Variants in ARHGAP26 observed in about 807,000 individuals in gnomAD.
The protein encoded by ARHGAP26 is rho GTPase-activating protein 26.
Under a neutral mutation model 104.8 loss-of-function variants are expected in ARHGAP26, and 38 were observed. That is an observed-to-expected ratio of 0.36 (90% CI 0.28 to 0.48). The LOEUF (loss-of-function observed/expected upper bound fraction) is 0.48. Among genes scored for constraint, ARHGAP26 ranks in the 20% least tolerant of loss-of-function variants. The pLI, the probability that ARHGAP26 is intolerant of heterozygous loss-of-function variation, is 0.99. For synonymous variants in ARHGAP26, 341 were observed against 340.0 expected, an observed-to-expected ratio of 1.00 and a Z score of -0.03; for missense variants, 704 against 947.9, an observed-to-expected ratio of 0.74 and a Z score of 3.38.
intron 3 of ARHGAP26, among the ~76,000 whole-genome samples, chr5:142,875,971 A>T (rs1756026127): frequency 6.6e-6 from 1 of 152,320 alleles, no homozygotes; most frequent in East Asian, 1.9e-4. Flanking sequence ...TCGAACTCCA[A>T]ACCTTAAGTG....
chr5:142,897,034 T>C (rs774761428), intron 6 of ARHGAP26, among the ~76,000 whole-genome samples: 2 of 152,232 alleles, frequency 1.3e-5, no homozygotes, highest in Non-Finnish European at 2.9e-5. Context: ...TTTAAAAGTA[T>C]GTATTTATTG....
At chr5:142,847,471 CT>C (rs1772241601) in intron 1 of ARHGAP26, among the ~76,000 whole-genome samples, 1 of 152,110 alleles carries the variant, frequency 6.6e-6, no homozygotes, top group Non-Finnish European at 1.5e-5. Flanking sequence ...CATTCTCCTG[CT>C]TCAGCCTCCG....
At position 143,160,060 on chromosome 5, in the gene ARHGAP26, C is replaced by CTT. The variant is rs200678768; in HGVS notation, c.1988+12695_1988+12696dup. On this transcript the variant is annotated intron_variant, in intron 20 of 22. Coordinates refer to ENST00000645722, the MANE Select transcript of ARHGAP26 (RefSeq NM_001135608.3). ...CATGTCTTAGTGAGAAAAGATTTTT[C>CTT]TTTTTTTTTTTTTTTTTGAGACGGA... 1.3e-3 allele frequency among the ~76,000 whole-genome samples: 170 copies of CTT among 133,996 alleles called. 1 individual carries two copies. The highest frequency in any genetic ancestry group is 7.7e-3 in the Middle Eastern group (2 of 260). 87.9% of individuals were successfully genotyped at this position (133,996 alleles called of 152,430 possible). A position where few individuals can be genotyped will look rare whatever the true frequency, so the allele number is the denominator to read the frequency against.
chr5:142,959,012 G>A (rs1174931659), intron 11 of ARHGAP26, among the ~76,000 whole-genome samples: 1 of 151,890 alleles, frequency 6.6e-6, no homozygotes. Flanking sequence ...TAAACTTAGA[G>A]ACTATCAGAG....
In ARHGAP26 at chr5:142,949,575, T is replaced by G. The variant is rs151338316; in HGVS notation, c.1107+17450T>G. 4.6e-5 allele frequency among the ~76,000 whole-genome samples: 7 copies of G among 152,284 alleles called. No homozygotes were observed. In the East Asian group the frequency reaches 1.4e-3, roughly 29 times the overall value. On this transcript the variant is annotated intron_variant, in intron 11 of 22. Transcript: ENST00000645722. ...CAGTATTTTTTCTTTGGCTCAAGAC[T>G]TTTCAGTACAATGTTCTAAACTCCA...
chr5:143,142,767 C>T (rs1456337900), intron 19 of ARHGAP26, among the ~76,000 whole-genome samples: 1 of 152,148 alleles, frequency 6.6e-6, no homozygotes. Context: ...GTGCACTCAT[C>T]ACTTTTTATT....
intron 20 of ARHGAP26, among the ~76,000 whole-genome samples, chr5:143,206,772 AC>A (rs1808627041): frequency 6.6e-6 from 1 of 152,210 alleles, no homozygotes; most frequent in Non-Finnish European, 1.5e-5. Context: ...AAGAAAAAAA[AC>A]ATGGTCATTT....
intron 11 of ARHGAP26, among the ~76,000 whole-genome samples, chr5:142,971,392 A>C (rs559551742): frequency 6.6e-6 from 1 of 152,226 alleles, no homozygotes; most frequent in Non-Finnish European, 1.5e-5. Context: ...GACAGTAGCC[A>C]TTAGGAGACT....
chr5:143,143,196 C>T (rs571495835), intron 19 of ARHGAP26, among the ~76,000 whole-genome samples: 1 of 152,154 alleles, frequency 6.6e-6, no homozygotes, highest in Non-Finnish European at 1.5e-5. Context: ...CGTATTTACC[C>T]TCCAGCTCTG....
chr5:142,903,392 T>G, intron 7 of ARHGAP26, 148 bp from the exon 8 acceptor site: 1 of 776,112 alleles, frequency 1.3e-6, no homozygotes. Context: ...GGCCAAAGTA[T>G]ACTTGTCATA....
intron 20 of ARHGAP26, among the ~76,000 whole-genome samples, chr5:143,171,024 AAG>A (rs928684643): frequency 1.3e-4 from 20 of 152,208 alleles, no homozygotes; most frequent in African/African-American, 4.3e-4. Flanking sequence ...TTAAGAGAAA[AAG>A]AGAGGGGAAA....
rs1329247800 is a variant in ARHGAP26, at chr5:143,016,126, G to A, written c.1144+2010G>A. 2.0e-5 allele frequency among the ~76,000 whole-genome samples: 3 copies of A among 152,308 alleles called. No individual in the cohort carries two copies. In the East Asian group the frequency reaches 5.8e-4, roughly 29 times the overall value. ...CAGCCTTTAGAAAGAACCAGAGAGG[G>A]CTGGATCTATTTGCAGAAATTGTGC... On this transcript the variant is annotated intron_variant, in intron 12 of 22. Transcript: ENST00000645722.
At chr5:143,216,576 A>G (rs1810382734) in intron 22 of ARHGAP26, 1 of 313,916 alleles carries the variant, frequency 3.2e-6, no homozygotes, top group African/African-American at 2.2e-5. Context: ...GCTCCCACAT[A>G]CAACATGGTC....
At chr5:143,152,935 T>G (rs566099001) in intron 20 of ARHGAP26, among the ~76,000 whole-genome samples, 1 of 152,242 alleles carries the variant, frequency 6.6e-6, no homozygotes, top group South Asian at 2.1e-4. Context: ...ATGATAAATA[T>G]CACATTGTGA....
intron 18 of ARHGAP26, among the ~76,000 whole-genome samples, chr5:143,129,926 A>G (rs1317969758): frequency 1.3e-5 from 2 of 152,242 alleles, no homozygotes; most frequent in African/African-American, 4.8e-5. Flanking sequence ...CTGAGATTAC[A>G]TAGCTAGTAG....
chr5:143,013,326 A>G (rs145815883), intron 11 of ARHGAP26, among the ~76,000 whole-genome samples: 12 of 152,334 alleles, frequency 7.9e-5, no homozygotes, highest in Admixed American at 2.0e-4. Context: ...CTCTTGGCCC[A>G]CAAAGCATAA....
intron 1 of ARHGAP26, among the ~76,000 whole-genome samples, chr5:142,861,679 C>G (rs1753380877): frequency 6.6e-6 from 1 of 152,108 alleles, no homozygotes; most frequent in Non-Finnish European, 1.5e-5. Flanking sequence ...GATTCTAATA[C>G]CTATGGTTTA....
intron 20 of ARHGAP26, among the ~76,000 whole-genome samples, chr5:143,199,705 A>G (rs1807413044): frequency 6.6e-6 from 1 of 152,196 alleles, no homozygotes; most frequent in African/African-American, 2.4e-5. Flanking sequence ...GGCCTGAGAC[A>G]TATCACTGGG....
rs1256475019 is a variant in ARHGAP26 at position 143,224,421 on chromosome 5, G to A, written c.*1975G>A. 2 of 228,624 alleles carry A rather than the reference G, an allele frequency of 8.7e-6. No homozygotes were observed. Among genetic ancestry groups the A allele is most frequent in the Non-Finnish European group, 1.7e-5 (2 of 115,228 alleles). 14.2% of individuals were successfully genotyped at this position (228,624 alleles called of 1,614,324 possible). On this transcript the variant is annotated 3_prime_UTR_variant, in exon 23 of 23. Transcript: ENST00000645722. ...TCCCTTGGGCTTTGGATTTGGAGAT[G>A]GGAAGAGCATCTCCAGGCAATGAGT...
Sources: gnomAD v4.1 joint callset for allele counts (sites outside exome capture counted in the v4.1 genomes callset) on GRCh38, gnomAD v4.1.1 for gene constraint, MANE v1.5 for transcripts, NCBI Gene and HGNC (gene_info 2026-07-23, HGNC 2026-07-21) for gene names.